UGT8: variants seen among roughly 807,000 people sequenced by gnomAD.
UGT8 encodes the protein UDP glycosyltransferase 8, also known as 2-hydroxyacylsphingosine 1-beta-galactosyltransferase.
In UGT8, 12 loss-of-function variants were observed where a neutral mutation model predicts 40.5. The observed-to-expected ratio is 0.30, with a 90% CI of 0.19 to 0.48. UGT8 has a LOEUF of 0.48. UGT8 is among the 20% of genes least tolerant of loss of function. The pLI is 0.99. For synonymous variants in UGT8, 224 were observed against 240.4 expected (o/e 0.93, Z 0.63); for missense variants, 513 against 648.7 (o/e 0.79, Z 2.27).
intron 2 of UGT8, chr4:114,656,896 C>T (rs749716550): frequency 2.2e-6 from 1 of 464,200 alleles, no homozygotes; most frequent in Non-Finnish European, 4.4e-6. Flanking sequence ...TCTCTGAAGA[C>T]AGAACATTTT....
In UGT8 at chr4:114,613,987, T is replaced by C. The variant is rs191105113; in HGVS notation, c.-2-8892T>C. The stretch of plus-strand genomic sequence containing the variant: ...AGGTACTGAGTGCAGTCTGTTGATA[T>C]TCGTATTATCTTATTTTTATTTTCT... On this transcript the variant is annotated intron_variant, in intron 1 of 5. Coordinates refer to ENST00000310836, the MANE Select transcript of UGT8 (RefSeq NM_001128174.3). Among the ~76,000 whole-genome samples, 7 of 152,338 alleles carry C rather than the reference T, an allele frequency of 4.6e-5. No homozygotes were observed. In the East Asian group the frequency reaches 1.3e-3, roughly 29 times the overall value.
At chr4:114,651,019 T>C (rs1733866830) in intron 2 of UGT8, among the ~76,000 whole-genome samples, 1 of 152,096 alleles carries the variant, frequency 6.6e-6, no homozygotes, top group Non-Finnish European at 1.5e-5. Context: ...ACTCCTTACT[T>C]GATTGATCCT....
At position 114,676,817 on chromosome 4, in the gene UGT8, C is replaced by T. The variant is rs1323220599; in HGVS notation, c.*529C>T. ...ATTTAATGTGTGTGAACTCAGAACA[C>T]TACCATGAAAGAACACTTCCCCCCA... is the stretch of plus-strand genomic sequence containing the variant. On this transcript the variant is annotated 3_prime_UTR_variant, in exon 6 of 6. Coordinates refer to ENST00000310836, the MANE Select transcript of UGT8 (RefSeq NM_001128174.3). 6.7e-6 allele frequency: 1 copy of T among 149,100 alleles called. No homozygotes were observed. The highest frequency in any genetic ancestry group is 1.5e-5 in the Non-Finnish European group (1 of 67,512). 9.2% of individuals were successfully genotyped at this position (149,100 alleles called of 1,614,324 possible). A position where few individuals can be genotyped will look rare whatever the true frequency, so the allele number is the denominator to read the frequency against.
intron 2 of UGT8, among the ~76,000 whole-genome samples, chr4:114,636,640 A>C (rs1732904560): frequency 6.6e-6 from 1 of 152,118 alleles, no homozygotes; most frequent in Admixed American, 6.5e-5. Flanking sequence ...TTAAGTTTCT[A>C]TTTAGCCTTT....
chr4:114,598,669 G>A (rs11098259), upstream of UGT8: 116,374 of 151,668 alleles, frequency 0.77, 45,886 homozygotes, highest in South Asian at 0.89. Context: ...GGCGCGCTCC[G>A]ACTCTGCTCG....
chr4:114,635,142 G>C (rs755159823), intron 2 of UGT8, among the ~76,000 whole-genome samples: 4 of 151,974 alleles, frequency 2.6e-5, no homozygotes, highest in Non-Finnish European at 5.9e-5. Context: ...CTTGAGGTCA[G>C]GAGTTCGAGA....
chr4:114,671,468 C>T (rs1017299067), intron 5 of UGT8, among the ~76,000 whole-genome samples: 1 of 151,992 alleles, frequency 6.6e-6, no homozygotes, highest in African/African-American at 2.4e-5. Context: ...GTACTGGTAC[C>T]AAAACAGACA....
rs1180223240 is a variant in UGT8, at chr4:114,677,337, G to A, written c.*1049G>A. 6.6e-6 allele frequency: 1 copy of A among 152,060 alleles called. No individual in the cohort carries two copies. The highest frequency in any genetic ancestry group is 1.5e-5 in the Non-Finnish European group (1 of 68,024). The allele number at this position is 152,060 out of a possible 1,614,324, so 9.4% of individuals were successfully genotyped here. ...TGGGCCATACAATCTATATTACATA[G>A]GTGCCAACATTTAATTCTTTTAAAT... On this transcript the variant is annotated 3_prime_UTR_variant, in exon 6 of 6. Transcript: ENST00000310836.
chr4:114,606,479 GT>G (rs1250875198), intron 1 of UGT8, among the ~76,000 whole-genome samples: 1 of 152,126 alleles, frequency 6.6e-6, no homozygotes, highest in Non-Finnish European at 1.5e-5. Context: ...TCCCTATTGA[GT>G]TGTTCTCACC....
intron 2 of UGT8, among the ~76,000 whole-genome samples, chr4:114,657,170 T>G (rs1448986454): frequency 6.6e-6 from 1 of 151,656 alleles, no homozygotes; most frequent in Non-Finnish European, 1.5e-5. Context: ...CCTCAGTACC[T>G]TGCCATCATC....
chr4:114,670,557 C>T (rs1560711407), intron 5 of UGT8, among the ~76,000 whole-genome samples: 1 of 148,938 alleles, frequency 6.7e-6, no homozygotes, highest in Non-Finnish European at 1.5e-5. Flanking sequence ...GAACCAAAGA[C>T]AAAAAAACAC....
chr4:114,660,179 T>TA (rs34924361), intron 2 of UGT8, among the ~76,000 whole-genome samples: 1 of 152,138 alleles, frequency 6.6e-6, no homozygotes, highest in Non-Finnish European at 1.5e-5. Flanking sequence ...AGAGGCCATT[T>TA]AAAAAAAGAC....
At position 114,664,005 on chromosome 4, in the gene UGT8, G is replaced by C; in HGVS notation, c.833G>C (p.Arg278Thr). ...TGTTTTGATTTACAGGATCTCCAAA[G>C]ATGGGTAAATGGTGCTAATGAACAT... ...PASPLPEDLQ[R>T]WVNGANEHGF... is the part of the protein sequence containing the mutation. The change falls in exon 3 of 6, where the codon AGA (arginine) becomes ACA (threonine). Residue 278 changes from arginine (R) to threonine (T), a missense_variant. Around this residue, in one of 3 missense-constraint regions of UGT8, gnomAD observed 335 missense variants for 444.8 expected, o/e 0.75. Coordinates refer to ENST00000310836, the MANE Select transcript of UGT8 (RefSeq NM_001128174.3). 1 of 1,613,788 alleles carries C rather than the reference G, an allele frequency of 6.2e-7. No homozygotes were observed. Among genetic ancestry groups the C allele is most frequent in the Non-Finnish European group, 8.5e-7 (1 of 1,179,838 alleles).
intron 1 of UGT8, among the ~76,000 whole-genome samples, chr4:114,601,625 CT>C (rs1290789803): frequency 6.6e-6 from 1 of 152,024 alleles, no homozygotes; most frequent in Non-Finnish European, 1.5e-5. Flanking sequence ...CAAGCAATTT[CT>C]AAATCTTACT....
In UGT8 at chr4:114,665,750, C is replaced by T; in HGVS notation, c.1036C>T (p.Leu346=). ...CATAGAATGGTTACCACAAAATGAC[C>T]TGCTTGGTAAGTCAATGATGTGTGG... ...KLIEWLPQND[L]LGHSKIKAFL... is the part of the protein sequence containing the mutation. Residue 346 remains leucine (L), a synonymous_variant, in exon 4 of 6, where the codon CTG becomes TTG. Transcript: ENST00000310836. The T allele has an allele frequency of 6.2e-7, 1 of 1,607,350 alleles. No individual in the cohort carries two copies. The highest frequency in any genetic ancestry group is 8.5e-7 in the Non-Finnish European group (1 of 1,177,652).
intron 2 of UGT8, among the ~76,000 whole-genome samples, chr4:114,639,467 G>A (rs1733083034): frequency 6.6e-6 from 1 of 152,206 alleles, no homozygotes; most frequent in Non-Finnish European, 1.5e-5. Context: ...ATGAAAGGTA[G>A]CCTTACTGGC....
At chr4:114,673,143 T>A (rs1735405085) in intron 5 of UGT8, among the ~76,000 whole-genome samples, 1 of 140,832 alleles carries the variant, frequency 7.1e-6, no homozygotes, top group Non-Finnish European at 1.5e-5. Context: ...TCTCTTGGAA[T>A]AACTTAGAGG....
Position 114,653,244 on chromosome 4 carries a change from T to C in UGT8, c.823-10751T>C, listed in dbSNP as rs143808750. Among the ~76,000 whole-genome samples, 24 of 152,244 alleles carry C rather than the reference T, an allele frequency of 1.6e-4. No individual in the cohort carries two copies. The East Asian group carries it at 2.1e-3, about 13-fold the overall frequency. ...ATATATGCTATTCATGCTCATAAGA[T>C]AGAAACACTAGAGCTAATGAAAATA... On this transcript the variant is annotated intron_variant, in intron 2 of 5. Transcript: ENST00000310836.
intron 1 of UGT8, among the ~76,000 whole-genome samples, chr4:114,616,292 G>A (rs182532532): frequency 0.013 from 1,939 of 152,188 alleles, 31 homozygotes; most frequent in African/African-American, 0.036. Context: ...CTCAAGCCTC[G>A]GCAGTGGCGG....
Sources: allele counts gnomAD v4.1 joint callset (sites outside exome capture counted in the v4.1 genomes callset), GRCh38; gene constraint gnomAD v4.1.1; regional missense constraint gnomAD v4.1.1; transcripts MANE v1.5; gene names NCBI Gene and HGNC (gene_info 2026-07-23, HGNC 2026-07-21).